The following BCKDHB variants were observed in gnomAD, a reference collection of about 807,000 sequenced individuals.
BCKDHB encodes 2-oxoisovalerate dehydrogenase subunit beta, mitochondrial.
A neutral mutation model predicts 48.5 loss-of-function variants in BCKDHB; 41 were observed. That is an observed-to-expected ratio of 0.85 (90% CI 0.66 to 1.10). The LOEUF (loss-of-function observed/expected upper bound fraction) is 1.10, where lower values mean the gene tolerates loss of function less well. BCKDHB is among the 50% of genes least tolerant of loss of function. The pLI is 0.00. For missense variants in BCKDHB, 496 were observed against 494.2 expected, an observed-to-expected ratio of 1.00 and a Z score of -0.03; for synonymous variants, 201 against 174.8, an observed-to-expected ratio of 1.15 and a Z score of -1.18.
At chr6:80,224,440 C>T (rs1016290001) in intron 8 of BCKDHB, among the ~76,000 whole-genome samples, 6 of 151,688 alleles carry the variant, frequency 4.0e-5, no homozygotes, top group Admixed American at 6.6e-5. Flanking sequence ...TTGCACAGGC[C>T]GCAGTACAAT....
the BCKDHB span, among the ~76,000 whole-genome samples, chr6:80,401,771 C>T: frequency 3.3e-5 from 5 of 151,748 alleles, no homozygotes; most frequent in Admixed American, 6.6e-5. Context: ...CACCATTTTA[C>T]GCTGTACTTC....
the BCKDHB span, among the ~76,000 whole-genome samples, chr6:80,416,703 G>A: frequency 6.6e-6 from 1 of 151,790 alleles, no homozygotes; most frequent in Admixed American, 6.6e-5. Flanking sequence ...TTCTGATTAT[G>A]TGATCAATTT....
chr6:80,246,400 A>ATC (rs1325666584), intron 8 of BCKDHB, among the ~76,000 whole-genome samples: 2 of 152,110 alleles, frequency 1.3e-5, no homozygotes, highest in Admixed American at 1.3e-4. Flanking sequence ...CAATTGGGGC[A>ATC]TCTTGTGGTT....
chr6:80,414,624 T>A, the BCKDHB span, among the ~76,000 whole-genome samples: 257 of 152,308 alleles, frequency 1.7e-3, 2 homozygotes, highest in Middle Eastern at 6.8e-3. Flanking sequence ...CCTACATGAC[T>A]GCTTTTATAC....
chr6:80,410,420 G>A, the BCKDHB span, among the ~76,000 whole-genome samples: 2,271 of 152,228 alleles, frequency 0.015, 26 homozygotes, highest in Non-Finnish European at 0.02. Context: ...TGACGATTAT[G>A]TGTGTTCGAG....
chr6:80,334,348 T>C (rs1208727498), intron 9 of BCKDHB, among the ~76,000 whole-genome samples: 1 of 152,142 alleles, frequency 6.6e-6, no homozygotes, highest in Non-Finnish European at 1.5e-5. Context: ...TTTTTCTTAC[T>C]TAGGTCAGAT....
At chr6:80,437,884 G>C in the BCKDHB span, among the ~76,000 whole-genome samples, 1 of 152,200 alleles carries the variant, frequency 6.6e-6, no homozygotes. Flanking sequence ...GAATTGAAAA[G>C]TGATAGTTCT....
intron 8 of BCKDHB, among the ~76,000 whole-genome samples, chr6:80,220,550 C>T (rs1226565078): frequency 6.6e-6 from 1 of 151,184 alleles, no homozygotes; most frequent in East Asian, 1.9e-4. Flanking sequence ...GATCTGTGCA[C>T]ATGGATGAGA....
At chr6:80,116,013 C>T (rs1253368656) in intron 1 of BCKDHB, among the ~76,000 whole-genome samples, 1 of 152,210 alleles carries the variant, frequency 6.6e-6, no homozygotes, top group African/African-American at 2.4e-5. Flanking sequence ...TCACTTTCTG[C>T]AAGTAGTCCC....
chr6:80,367,641 C>T, the BCKDHB span, among the ~76,000 whole-genome samples: 1 of 152,232 alleles, frequency 6.6e-6, no homozygotes, highest in South Asian at 2.1e-4. Context: ...ATTTCTTTCA[C>T]ACCAACAAGT....
intron 9 of BCKDHB, among the ~76,000 whole-genome samples, chr6:80,281,007 C>T (rs1778170317): frequency 6.8e-6 from 1 of 147,666 alleles, no homozygotes; most frequent in South Asian, 2.2e-4. Context: ...TGGGGAATAT[C>T]ATTGAAGAAC....
At chr6:80,403,827 A>G in the BCKDHB span, among the ~76,000 whole-genome samples, 1 of 151,936 alleles carries the variant, frequency 6.6e-6, no homozygotes, top group Non-Finnish European at 1.5e-5. Context: ...TGCATATATT[A>G]AGATAATCAT....
intron 6 of BCKDHB, among the ~76,000 whole-genome samples, chr6:80,177,423 C>T (rs1261830058): frequency 6.6e-6 from 1 of 151,674 alleles, no homozygotes; most frequent in Non-Finnish European, 1.5e-5. Flanking sequence ...AATTGATAAA[C>T]TGGAAGATAA....
At chr6:80,120,667 G>A (rs901720329) in intron 1 of BCKDHB, among the ~76,000 whole-genome samples, 3 of 152,138 alleles carry the variant, frequency 2.0e-5, no homozygotes, top group Non-Finnish European at 2.9e-5. Flanking sequence ...CTTGTTTTGA[G>A]CAGTATCTGT....
the BCKDHB span, among the ~76,000 whole-genome samples, chr6:80,397,381 T>A: frequency 6.6e-6 from 1 of 152,148 alleles, no homozygotes; most frequent in Non-Finnish European, 1.5e-5. Context: ...AACCCTTGAA[T>A]TTAAGTTAAA....
intron 8 of BCKDHB, among the ~76,000 whole-genome samples, chr6:80,260,887 A>T (rs925654414): frequency 6.6e-6 from 1 of 151,916 alleles, no homozygotes; most frequent in African/African-American, 2.4e-5. Context: ...AAAAAAGATC[A>T]TTTTGCCAAA....
At chr6:80,163,327 C>A (rs897479947) in intron 3 of BCKDHB, among the ~76,000 whole-genome samples, 2 of 90,270 alleles carry the variant, frequency 2.2e-5, no homozygotes, top group African/African-American at 8.7e-5. Context: ...TTTTTTTTTT[C>A]TCTTCTCTCC....
At chr6:80,335,751 G>A (rs1465402749) in intron 9 of BCKDHB, among the ~76,000 whole-genome samples, 1 of 151,980 alleles carries the variant, frequency 6.6e-6, no homozygotes, top group African/African-American at 2.4e-5. Flanking sequence ...TTCTCACAGT[G>A]CTCTGCAGGT....
chr6:80,280,208 C>T (rs1319206837), intron 9 of BCKDHB, among the ~76,000 whole-genome samples: 1 of 152,126 alleles, frequency 6.6e-6, no homozygotes, highest in Non-Finnish European at 1.5e-5. Context: ...ATAGATGTAA[C>T]TTCCAGTTTT....
Sources: allele counts gnomAD v4.1 joint callset (sites outside exome capture counted in the v4.1 genomes callset), GRCh38; gene constraint gnomAD v4.1.1; transcripts MANE v1.5; gene names NCBI Gene and HGNC (gene_info 2026-07-23, HGNC 2026-07-21).